Variants in PRKN observed in about 807,000 individuals in gnomAD.
PRKN encodes parkin RBR E3 ubiquitin protein ligase.
A neutral mutation model predicts 59.5 loss-of-function variants in PRKN; 56 were observed. The observed-to-expected ratio is 0.94, with a 90% confidence interval of 0.76 to 1.18. The LOEUF is 1.18. Ranked by LOEUF, PRKN falls within the 50% of genes most tolerant of loss-of-function variation. PRKN has a pLI of 0.00. For missense variants in PRKN, 657 were observed against 596.4 expected (o/e 1.10, Z -1.06); for synonymous variants, 250 against 222.1 (o/e 1.13, Z -1.12).
intron 6 of PRKN, among the ~76,000 whole-genome samples, chr6:161,800,775 C>T (rs1791044471): frequency 6.6e-6 from 1 of 152,198 alleles, no homozygotes. Context: ...GATTCAGAGA[C>T]TCATTAACCA....
intron 2 of PRKN, among the ~76,000 whole-genome samples, chr6:162,423,601 G>T (rs1789083628): frequency 6.6e-6 from 1 of 152,116 alleles, no homozygotes; most frequent in African/African-American, 2.4e-5. Context: ...GCAAATGTCA[G>T]TATCTGTGGT....
Position 161,349,897 on chromosome 6 carries a change from CT to C in PRKN, c.*201del, listed in dbSNP as rs1329013995. On this transcript the variant is annotated 3_prime_UTR_variant, in exon 12 of 12. Transcript: ENST00000366898. This position sits in a 1 kb window ranked among gnomAD's most constrained non-coding sequence, Gnocchi z 5.5. Reference sequence around the variant, plus strand: ...CAGGAGCTTCTTCTGTAATTTTACTCTGCTGTTTTTCATGGACATAGTGAAA... The same window carrying C: ...CAGGAGCTTCTTCTGTAATTTTACTCGCTGTTTTTCATGGACATAGTGAAA... 2.4e-5 allele frequency: 15 copies of C among 621,488 alleles called. No individual in the cohort carries two copies. Among genetic ancestry groups the C allele is most frequent in the Non-Finnish European group, 4.1e-5 (14 of 341,556 alleles). The allele number at this position is 621,488 out of a possible 1,614,324, so 38.5% of individuals were successfully genotyped here. A position where few individuals can be genotyped will look rare whatever the true frequency, so the allele number is the denominator to read the frequency against.
At chr6:162,675,028 TTTTATTTATTTATTTATTTA>T (rs139787389) in intron 1 of PRKN, among the ~76,000 whole-genome samples, 10 of 148,420 alleles carry the variant, frequency 6.7e-5, no homozygotes, top group Non-Finnish European at 1.3e-4. Context: ...GAAGACTTTA[TTTTATTTATTTATTTATTTA>T]TTTATTTATT....
intron 7 of PRKN, among the ~76,000 whole-genome samples, chr6:161,726,820 A>G (rs1052415114): frequency 6.6e-6 from 1 of 152,206 alleles, no homozygotes; most frequent in African/African-American, 2.4e-5. Flanking sequence ...ATCACAACTC[A>G]TTTTCTGAAA....
At chr6:162,274,169 A>AT (rs1562631852) in intron 2 of PRKN, among the ~76,000 whole-genome samples, 4 of 150,856 alleles carry the variant, frequency 2.7e-5, no homozygotes, top group African/African-American at 9.9e-5. Flanking sequence ...TAATTAATTT[A>AT]TTAATTTATT....
chr6:161,436,858 C>T (rs550672053), intron 9 of PRKN, among the ~76,000 whole-genome samples: 3 of 152,086 alleles, frequency 2.0e-5, no homozygotes, highest in Admixed American at 6.5e-5. Context: ...TTAGGTTCCA[C>T]CTGGTATTCA....
chr6:162,697,136 T>C (rs1161777645), intron 1 of PRKN, among the ~76,000 whole-genome samples: 2 of 152,096 alleles, frequency 1.3e-5, no homozygotes, highest in Non-Finnish European at 2.9e-5. Context: ...AGGATATAGA[T>C]GAAAAAGGTC....
chr6:161,836,697 G>A (rs947220812), intron 6 of PRKN, among the ~76,000 whole-genome samples: 2 of 152,164 alleles, frequency 1.3e-5, no homozygotes, highest in African/African-American at 4.8e-5. Flanking sequence ...AAAACAGGAA[G>A]AAGCTAAAAT....
intron 5 of PRKN, among the ~76,000 whole-genome samples, chr6:161,995,455 C>A (rs191334152): frequency 4.3e-4 from 65 of 152,090 alleles, no homozygotes; most frequent in African/African-American, 1.1e-3. Flanking sequence ...GCAAAGGAAA[C>A]AATCAACAGA....
intron 9 of PRKN, among the ~76,000 whole-genome samples, chr6:161,490,167 G>A (rs1777494801): frequency 6.6e-6 from 1 of 152,158 alleles, no homozygotes; most frequent in African/African-American, 2.4e-5. Flanking sequence ...CAAACATAAG[G>A]CCAAGGAGTA....
chr6:162,309,809 C>CA (rs749269527), intron 2 of PRKN, among the ~76,000 whole-genome samples: 1 of 152,040 alleles, frequency 6.6e-6, no homozygotes, highest in Non-Finnish European at 1.5e-5. Context: ...CTTCATCACC[C>CA]AGGTATTAAG....
intron 5 of PRKN, among the ~76,000 whole-genome samples, chr6:162,021,463 T>TATATA (rs1562466053): frequency 3.6e-3 from 96 of 26,952 alleles, no homozygotes; most frequent in African/African-American, 7.9e-3. Context: ...ATATATATAT[T>TATATA]TTTTTTTTTT....
rs962157208 is a variant in PRKN at position 161,552,645 on chromosome 6, A to G, written c.934-3642T>C. Among the ~76,000 whole-genome samples, 3 of 152,164 alleles carry G rather than the reference A, an allele frequency of 2.0e-5. No individual in the cohort carries two copies. The highest frequency in any genetic ancestry group is 7.2e-5 in the African/African-American group (3 of 41,452). On this transcript the variant is annotated intron_variant, in intron 8 of 11. Coordinates refer to ENST00000366898, the MANE Select transcript of PRKN (RefSeq NM_004562.3). This position sits in a 1 kb window ranked among gnomAD's most constrained non-coding sequence, Gnocchi z 4.9. ...GTAAATATCACATAGAATAAGCTTA[A>G]TACATTATAAAGTGACCAACTTTTT...
At chr6:162,573,492 C>G (rs972919943) in intron 1 of PRKN, among the ~76,000 whole-genome samples, 2 of 152,134 alleles carry the variant, frequency 1.3e-5, no homozygotes, top group African/African-American at 4.8e-5. Flanking sequence ...TCCAGCTAGA[C>G]CCAGCTTGCT....
At chr6:162,365,229 TATATTTTG>T (rs1785371616) in intron 2 of PRKN, among the ~76,000 whole-genome samples, 1 of 152,146 alleles carries the variant, frequency 6.6e-6, no homozygotes, top group Non-Finnish European at 1.5e-5. Context: ...TGTGTATATG[TATATTTTG>T]ATATTGTATT....
chr6:161,409,104 C>A lies in PRKN; in HGVS notation c.1084-22227G>T, dbSNP rs1050869152. On this transcript the variant is annotated intron_variant, in intron 9 of 11. Transcript: ENST00000366898. This position sits in a 1 kb window ranked among gnomAD's most constrained non-coding sequence, Gnocchi z 4.6. ...AGGACTACAGGCTCCCATCACCATGCCCAGCTAATTTTTGTACTTTTAGTA... is the reference window on the plus strand; with the variant it reads ...AGGACTACAGGCTCCCATCACCATGACCAGCTAATTTTTGTACTTTTAGTA... Among the ~76,000 whole-genome samples, 34 of 152,092 alleles carry A rather than the reference C, an allele frequency of 2.2e-4. No individual in the cohort carries two copies. Among genetic ancestry groups the A allele is most frequent in the African/African-American group, 7.7e-4 (32 of 41,386 alleles).
rs1400077093 is a variant in PRKN at position 162,593,338 on chromosome 6, G to A, written c.7+134324C>T. On this transcript the variant is annotated intron_variant, in intron 1 of 11. Coordinates refer to ENST00000366898, the MANE Select transcript of PRKN (RefSeq NM_004562.3). The stretch of plus-strand genomic sequence containing the variant: ...TAAACTGATCATATGCAACTGGATG[G>A]CACGTCTATTTTGTGCTTTTGAAAA... Among the ~76,000 whole-genome samples the A allele has an allele frequency of 3.3e-5, 5 of 152,262 alleles. No homozygotes were observed. In the South Asian group the frequency reaches 6.2e-4, roughly 19 times the overall value.
At chr6:161,715,957 G>T (rs1278993511) in intron 7 of PRKN, 2 of 482,524 alleles carry the variant, frequency 4.1e-6, no homozygotes, top group African/African-American at 4.0e-5. Flanking sequence ...CTCCACCCTA[G>T]ACAGACTGGG....
At chr6:161,811,311 T>G (rs1791548384) in intron 6 of PRKN, among the ~76,000 whole-genome samples, 1 of 152,110 alleles carries the variant, frequency 6.6e-6, no homozygotes, top group African/African-American at 2.4e-5. Context: ...AAAAAAAAAT[T>G]GTTTAATTTT....
Sources: allele counts gnomAD v4.1 joint callset (sites outside exome capture counted in the v4.1 genomes callset), GRCh38; gene constraint gnomAD v4.1.1; non-coding constraint Gnocchi (gnomAD v3.1); transcripts MANE v1.5; gene names NCBI Gene and HGNC (gene_info 2026-07-23, HGNC 2026-07-21).